Variants in ADGRD1 observed in about 807,000 individuals in gnomAD.
ADGRD1 encodes adhesion G protein-coupled receptor D1.
ADGRD1 carries 77 observed loss-of-function variants against 113.4 expected under a neutral mutation model. The ratio of observed to expected loss-of-function variants is 0.68; its 90% CI spans 0.57 to 0.82. ADGRD1 has a LOEUF of 0.82. Among genes scored for constraint, ADGRD1 ranks in the 40% least tolerant of loss-of-function variants. ADGRD1 has a pLI of 0.00. For synonymous variants in ADGRD1, 474 were observed against 475.0 expected (o/e 1.00, Z 0.03); for missense variants, 1,036 against 1,139.1 (o/e 0.91, Z 1.30).
rs1478914916 is a variant in ADGRD1 at position 131,096,404 on chromosome 12, G to A, written c.1672-8427G>A. ...TGAGACTAGAGGTGTGCACCACCAT[G>A]CCTGGCAAGATAGCACACTTTAAAA... On this transcript the variant is annotated intron_variant, in intron 15 of 24. Transcript: ENST00000261654. The surrounding 1 kb of genome is among the most constrained non-coding windows in gnomAD (Gnocchi z 5.2). Among the ~76,000 whole-genome samples the A allele has an allele frequency of 6.6e-6, 1 of 152,134 alleles. No homozygotes were observed. The highest frequency in any genetic ancestry group is 1.5e-5 in the Non-Finnish European group (1 of 68,026).
chr12:130,979,141 G>A (rs1045506741), intron 4 of ADGRD1, among the ~76,000 whole-genome samples: 10 of 152,210 alleles, frequency 6.6e-5, no homozygotes, highest in African/African-American at 1.2e-4. Context: ...CCCCACAGTC[G>A]CACCCTTTTG....
At position 131,096,618 on chromosome 12, in the gene ADGRD1, T is replaced by A. The variant is rs181013168; in HGVS notation, c.1672-8213T>A. 8.5e-5 allele frequency among the ~76,000 whole-genome samples: 13 copies of A among 152,104 alleles called. No individual in the cohort carries two copies. The East Asian group carries it at 1.4e-3, about 16-fold the overall frequency. On this transcript the variant is annotated intron_variant, in intron 15 of 24. Transcript: ENST00000261654. The surrounding 1 kb of genome is among the most constrained non-coding windows in gnomAD (Gnocchi z 5.2). ...GTGAGGATGGGTTCCCGTGGGGCAC[T>A]GCTGGTCCAGGTTTACATCCCGCCT...
intron 13 of ADGRD1, among the ~76,000 whole-genome samples, chr12:131,032,225 G>C (rs28633702): frequency 0.11 from 16,713 of 152,152 alleles, 1,266 homozygotes; most frequent in Non-Finnish European, 0.16. Flanking sequence ...GGCGGCAGAC[G>C]TTCCCTCTCC....
intron 15 of ADGRD1, among the ~76,000 whole-genome samples, chr12:131,099,955 G>T (rs928783255): frequency 3.9e-5 from 6 of 152,188 alleles, no homozygotes; most frequent in Admixed American, 6.5e-5. Context: ...TTGGTTCATG[G>T]TGGGGTTGGT....
rs954364772 is a variant in ADGRD1, at chr12:131,140,276, T to G, written c.*1013T>G. 3.3e-5 allele frequency: 5 copies of G among 152,122 alleles called. No individual in the cohort carries two copies. The highest frequency in any genetic ancestry group is 1.2e-4 in the African/African-American group (5 of 41,422). The allele number at this position is 152,122 out of a possible 1,614,324, so 9.4% of individuals were successfully genotyped here. A position where few individuals can be genotyped will look rare whatever the true frequency, so the allele number is the denominator to read the frequency against. Reference sequence around the variant, plus strand: ...GCAGACCACGCGGCAGGTAGCACAGTGCGCTCCGTCTGGTCACCATGAGAC... The same window carrying G: ...GCAGACCACGCGGCAGGTAGCACAGGGCGCTCCGTCTGGTCACCATGAGAC... On this transcript the variant is annotated 3_prime_UTR_variant, in exon 25 of 25. Transcript: ENST00000261654.
rs1278754342 is a variant in ADGRD1 at position 131,129,026 on chromosome 12, C to T, written c.2176-2699C>T. 1.6e-4 allele frequency among the ~76,000 whole-genome samples: 14 copies of T among 88,306 alleles called. 1 individual carries two copies. The highest frequency in any genetic ancestry group is 1.1e-3 in the Admixed American group (10 of 9,058). The allele number at this position is 88,306 out of a possible 152,430, so 57.9% of individuals were successfully genotyped here. A position where few individuals can be genotyped will look rare whatever the true frequency, so the allele number is the denominator to read the frequency against. On this transcript the variant is annotated intron_variant, in intron 20 of 24. Coordinates refer to ENST00000261654, the MANE Select transcript of ADGRD1 (RefSeq NM_198827.5). ...TGCTGTCTGGTGTGAGTGACAGGCC[C>T]GCCCTGCTGTCTGGTGTGAGTGACA... is the stretch of plus-strand genomic sequence containing the variant.
intron 2 of ADGRD1, among the ~76,000 whole-genome samples, chr12:130,963,687 T>C (rs563061659): frequency 2.0e-5 from 3 of 151,764 alleles, no homozygotes; most frequent in African/African-American, 7.3e-5. Flanking sequence ...TAGCCAGCGC[T>C]CTGTAGATGA....
intron 13 of ADGRD1, among the ~76,000 whole-genome samples, chr12:131,031,885 G>C (rs1880800258): frequency 6.6e-6 from 1 of 152,218 alleles, no homozygotes. Context: ...GCACATGCCA[G>C]GTGCCTACCT....
intron 15 of ADGRD1, among the ~76,000 whole-genome samples, chr12:131,087,419 G>A (rs978292852): frequency 2.0e-5 from 3 of 152,274 alleles, no homozygotes; most frequent in African/African-American, 7.2e-5. Context: ...ACAGGGGACC[G>A]GCAGCCTCCT....
At chr12:131,044,870 C>T (rs1424419722) in intron 13 of ADGRD1, among the ~76,000 whole-genome samples, 5 of 152,276 alleles carry the variant, frequency 3.3e-5, no homozygotes, top group Non-Finnish European at 4.4e-5. Context: ...CCGAAGAGCA[C>T]GCCCGCCTCG....
chr12:130,979,908 A>C (rs1215492480), intron 4 of ADGRD1, among the ~76,000 whole-genome samples: 1 of 151,932 alleles, frequency 6.6e-6, no homozygotes. Context: ...ATGCTACTGG[A>C]GGCAGAGAAG....
At chr12:131,013,638 G>A (rs566280739) in intron 12 of ADGRD1, among the ~76,000 whole-genome samples, 1 of 152,348 alleles carries the variant, frequency 6.6e-6, no homozygotes, top group South Asian at 2.1e-4. Context: ...TGTGGGCTGT[G>A]AGCGGGGAAG....
intron 3 of ADGRD1, chr12:130,970,538 A>G (rs1871491982): frequency 6.6e-6 from 1 of 152,204 alleles, no homozygotes; most frequent in Non-Finnish European, 1.5e-5. Context: ...AGGTCCACAG[A>G]CCCTGTTAGC....
intron 9 of ADGRD1, chr12:131,002,408 C>A: frequency 3.4e-6 from 2 of 595,560 alleles, no homozygotes; most frequent in Non-Finnish European, 4.2e-6. Context: ...TAAAATTGGC[C>A]TCAGCATTCT....
chr12:130,996,514 G>T (rs556141442), intron 8 of ADGRD1, among the ~76,000 whole-genome samples: 2 of 128,700 alleles, frequency 1.6e-5, no homozygotes, highest in Admixed American at 1.5e-4. Flanking sequence ...TGGACGGGGC[G>T]GCTGGCCGGG....
At chr12:130,997,157 C>T (rs1256562806) in intron 8 of ADGRD1, among the ~76,000 whole-genome samples, 20 of 118,632 alleles carry the variant, frequency 1.7e-4, no homozygotes, top group African/African-American at 4.1e-4. Context: ...ACCTCCCTCC[C>T]GGACGGGGCG....
rs189581049 is a variant in ADGRD1 at position 131,116,100 on chromosome 12, T to C, written c.2042-2285T>C. On this transcript the variant is annotated intron_variant, in intron 18 of 24. Transcript: ENST00000261654. Reference sequence around the variant, plus strand: ...TTCTTAAAAAGCCCCACAAACGCACTCACCCAGACTTCATAGCTCCTGCAG... The same window carrying C: ...TTCTTAAAAAGCCCCACAAACGCACCCACCCAGACTTCATAGCTCCTGCAG... 2.6e-5 allele frequency among the ~76,000 whole-genome samples: 4 copies of C among 152,312 alleles called. No homozygotes were observed. In the East Asian group the frequency reaches 5.8e-4, roughly 22 times the overall value.
At chr12:131,032,501 G>A (rs545829147) in intron 13 of ADGRD1, among the ~76,000 whole-genome samples, 3 of 152,170 alleles carry the variant, frequency 2.0e-5, no homozygotes, top group African/African-American at 2.4e-5. Context: ...CTGCAGGCCC[G>A]GGTGCCAGCA....
intron 7 of ADGRD1, among the ~76,000 whole-genome samples, chr12:130,991,530 T>A (rs1235894652): frequency 6.6e-6 from 1 of 152,192 alleles, no homozygotes; most frequent in African/African-American, 2.4e-5. Context: ...CCCATCTGCT[T>A]GGGTTCAAAT....
Sources: allele counts gnomAD v4.1 joint callset (sites outside exome capture counted in the v4.1 genomes callset), GRCh38; gene constraint gnomAD v4.1.1; non-coding constraint Gnocchi (gnomAD v3.1); transcripts MANE v1.5; gene names NCBI Gene and HGNC (gene_info 2026-07-23, HGNC 2026-07-21).